The following SPIDR variants were observed in gnomAD, a reference collection of about 807,000 sequenced individuals.
The protein encoded by SPIDR is DNA repair-scaffolding protein.
SPIDR carries 93 observed loss-of-function variants against 104.6 expected under a neutral mutation model. The observed-to-expected ratio is 0.89, with a 90% CI of 0.75 to 1.06. The LOEUF (loss-of-function observed/expected upper bound fraction) is 1.06. SPIDR is among the 50% of genes least tolerant of loss of function. SPIDR has a pLI of 0.00. For missense variants in SPIDR, 1,154 were observed against 1,111.2 expected (o/e 1.04, Z -0.55); for synonymous variants, 431 against 416.9 (o/e 1.03, Z -0.41).
intron 5 of SPIDR, among the ~76,000 whole-genome samples, chr8:47,327,572 T>C (rs1384586100): frequency 2.0e-5 from 3 of 152,074 alleles, no homozygotes; most frequent in Non-Finnish European, 2.9e-5. Context: ...GGCTAATTTT[T>C]TCCCCCTCGA....
At chr8:47,497,134 A>G (rs1189865286) in intron 8 of SPIDR, among the ~76,000 whole-genome samples, 2 of 151,392 alleles carry the variant, frequency 1.3e-5, no homozygotes, top group East Asian at 1.9e-4. Context: ...TAGTTTGTTG[A>G]TTTTGTTGGT....
At chr8:47,500,239 A>G (rs1190952596) in intron 8 of SPIDR, among the ~76,000 whole-genome samples, 1 of 152,184 alleles carries the variant, frequency 6.6e-6, no homozygotes, top group Non-Finnish European at 1.5e-5. Flanking sequence ...CAATGGTTGA[A>G]CTAGTTTACA....
At position 47,445,823 on chromosome 8, in the gene SPIDR, C is replaced by T. The variant is rs916524948; in HGVS notation, c.1097+5281C>T. The stretch of plus-strand genomic sequence containing the variant: ...GGATAGGAGCTCAAACAAGCCATGA[C>T]ATTCCCTTAAACCAAGCCTAATCCA... On this transcript the variant is annotated intron_variant, in intron 8 of 19. Coordinates refer to ENST00000297423, the MANE Select transcript of SPIDR (RefSeq NM_001080394.4). 2.0e-5 allele frequency among the ~76,000 whole-genome samples: 3 copies of T among 152,198 alleles called. No individual in the cohort carries two copies. In the East Asian group the frequency reaches 5.8e-4, roughly 29 times the overall value.
chr8:47,416,667 A>G (rs1227545987), intron 7 of SPIDR, among the ~76,000 whole-genome samples: 3 of 152,154 alleles, frequency 2.0e-5, no homozygotes, highest in Non-Finnish European at 4.4e-5. Context: ...CATGTGCACA[A>G]CATGCAGGTT....
chr8:47,515,513 G>A (rs1235188238), intron 8 of SPIDR, among the ~76,000 whole-genome samples: 1 of 152,126 alleles, frequency 6.6e-6, no homozygotes, highest in African/African-American at 2.4e-5. Flanking sequence ...TGTCCCCAAG[G>A]ATCCTTGGGA....
chr8:47,356,517 T>G (rs2054584114), intron 5 of SPIDR, among the ~76,000 whole-genome samples: 1 of 152,142 alleles, frequency 6.6e-6, no homozygotes, highest in African/African-American at 2.4e-5. Flanking sequence ...GAAAAATAGT[T>G]AAAGAAAGGA....
intron 5 of SPIDR, among the ~76,000 whole-genome samples, chr8:47,302,456 C>T (rs1554578142): frequency 0.47 from 71,471 of 151,416 alleles, 20,514 homozygotes; most frequent in African/African-American, 0.82. Context: ...GTCAAAGTCA[C>T]TCTCCGTCCA....
chr8:47,634,200 A>T (rs766693116), intron 10 of SPIDR, among the ~76,000 whole-genome samples: 11 of 152,154 alleles, frequency 7.2e-5, no homozygotes, highest in Non-Finnish European at 1.5e-4. Flanking sequence ...CATGCCTGTA[A>T]TCCCAGCACT....
At chr8:47,669,447 G>C (rs1426710491) in intron 10 of SPIDR, among the ~76,000 whole-genome samples, 2 of 152,174 alleles carry the variant, frequency 1.3e-5, no homozygotes, top group Non-Finnish European at 2.9e-5. Context: ...GCAGCTGTGT[G>C]AGCAAAACAG....
chr8:47,621,089 T>TG (rs1440935842), intron 10 of SPIDR, among the ~76,000 whole-genome samples: 1 of 151,654 alleles, frequency 6.6e-6, no homozygotes, highest in Non-Finnish European at 1.5e-5. Context: ...CCCAAGTAGC[T>TG]GGGACTACAG....
At chr8:47,651,134 GAAAT>G (rs1563426267) in intron 10 of SPIDR, among the ~76,000 whole-genome samples, 1 of 152,006 alleles carries the variant, frequency 6.6e-6, no homozygotes, top group Non-Finnish European at 1.5e-5. Context: ...CACAGCAACA[GAAAT>G]AATCATCAAA....
chr8:47,552,535 T>G (rs1395925869), intron 8 of SPIDR, among the ~76,000 whole-genome samples: 2 of 152,198 alleles, frequency 1.3e-5, no homozygotes, highest in African/African-American at 2.4e-5. Flanking sequence ...ATGGCCTTCT[T>G]TGTCTCTTTT....
intron 5 of SPIDR, among the ~76,000 whole-genome samples, chr8:47,309,972 G>C (rs2154253696): frequency 6.6e-6 from 1 of 151,842 alleles, no homozygotes; most frequent in South Asian, 2.1e-4. Context: ...CCGGGAGGCA[G>C]AGCTTGCTGT....
chr8:47,320,344 C>A (rs1336334556), intron 5 of SPIDR, among the ~76,000 whole-genome samples: 3 of 152,184 alleles, frequency 2.0e-5, no homozygotes, highest in African/African-American at 7.2e-5. Context: ...ACTAGAAAAT[C>A]TAGAAGAAAT....
intron 11 of SPIDR, among the ~76,000 whole-genome samples, chr8:47,683,608 T>A (rs1447678662): frequency 6.6e-6 from 1 of 152,214 alleles, no homozygotes; most frequent in Non-Finnish European, 1.5e-5. Context: ...TTTTGAAATA[T>A]GTGCATTATA....
chr8:47,588,267 G>GC (rs1365353858), intron 8 of SPIDR, among the ~76,000 whole-genome samples: 3 of 148,780 alleles, frequency 2.0e-5, no homozygotes, highest in Admixed American at 1.3e-4. Flanking sequence ...TGTAGCTTCA[G>GC]CATATAAGTC....
At chr8:47,734,576 G>A (rs2085858222) in intron 19 of SPIDR, among the ~76,000 whole-genome samples, 1 of 151,176 alleles carries the variant, frequency 6.6e-6, no homozygotes, top group African/African-American at 2.4e-5. Context: ...TACTCTGCAA[G>A]TGACATTGCC....
At chr8:47,622,433 A>G (rs1563340398) in intron 10 of SPIDR, among the ~76,000 whole-genome samples, 2 of 152,116 alleles carry the variant, frequency 1.3e-5, no homozygotes, top group African/African-American at 4.8e-5. Context: ...CCAAGGGCTG[A>G]TTAGAGGTAA....
intron 10 of SPIDR, among the ~76,000 whole-genome samples, chr8:47,616,516 A>G (rs568409702): frequency 6.6e-4 from 100 of 152,336 alleles, no homozygotes; most frequent in Non-Finnish European, 1.0e-3. Flanking sequence ...AATTACTGAA[A>G]TAATTGCTTT....
Sources: allele counts gnomAD v4.1 joint callset (sites outside exome capture counted in the v4.1 genomes callset), GRCh38; gene constraint gnomAD v4.1.1; transcripts MANE v1.5; gene names NCBI Gene and HGNC (gene_info 2026-07-23, HGNC 2026-07-21).